Variants in TBC1D1 observed in about 807,000 individuals in gnomAD.
The protein encoded by TBC1D1 is TBC1 (tre-2/USP6, BUB2, cdc16) domain family, member 1.
TBC1D1 carries 89 observed loss-of-function variants against 125.6 expected under a neutral mutation model. That is an observed-to-expected ratio of 0.71 (90% CI 0.60 to 0.85). TBC1D1 has a LOEUF of 0.85. Ranked by LOEUF, TBC1D1 falls within the 40% of genes least tolerant of loss-of-function variation. The pLI is 0.00. For synonymous variants in TBC1D1, 565 were observed against 564.1 expected (o/e 1.00, Z -0.02); for missense variants, 1,377 against 1,469.2 (o/e 0.94, Z 1.03).
intron 13 of TBC1D1, among the ~76,000 whole-genome samples, chr4:38,093,696 T>TTAG (rs369403907): frequency 0.034 from 5,150 of 151,704 alleles, 120 homozygotes; most frequent in Non-Finnish European, 0.053. Flanking sequence ...ATTTTTATTA[T>TTAG]TAGTAGTAGT....
chr4:38,061,785 A>G (rs1325808416), intron 12 of TBC1D1, among the ~76,000 whole-genome samples: 1 of 152,250 alleles, frequency 6.6e-6, no homozygotes, highest in Non-Finnish European at 1.5e-5. Context: ...ACTGAAGTAT[A>G]TAATCTGAAT....
At chr4:38,112,754 G>A (rs945564734) in intron 15 of TBC1D1, among the ~76,000 whole-genome samples, 9 of 152,200 alleles carry the variant, frequency 5.9e-5, no homozygotes, top group Admixed American at 2.0e-4. Flanking sequence ...TTAGAAAGGC[G>A]TCCAGACCCT....
chr4:37,954,954 C>T (rs1481047250), intron 2 of TBC1D1, among the ~76,000 whole-genome samples: 2 of 132,314 alleles, frequency 1.5e-5, no homozygotes, highest in African/African-American at 2.9e-5. Flanking sequence ...TGGCGTGATC[C>T]GATCTTGGCT....
At chr4:38,117,941 T>G (rs1763239542) in intron 16 of TBC1D1, 92 bp from the exon 19 acceptor site, 2 of 1,158,460 alleles carry the variant, frequency 1.7e-6, no homozygotes, top group African/African-American at 1.5e-5. Context: ...TTCTAGTAAG[T>G]CTTCTCTTAC....
intron 2 of TBC1D1, among the ~76,000 whole-genome samples, chr4:38,000,410 T>A (rs1288025660): frequency 6.6e-6 from 1 of 152,186 alleles, no homozygotes; most frequent in African/African-American, 2.4e-5. Flanking sequence ...GTTGTAGATT[T>A]AGGGCTTTGG....
chr4:37,961,277 G>A (rs544111828), intron 2 of TBC1D1, among the ~76,000 whole-genome samples: 2 of 152,240 alleles, frequency 1.3e-5, no homozygotes, highest in South Asian at 4.1e-4. Context: ...AAGGATAAAG[G>A]AGAAAAGGCC....
intron 7 of TBC1D1, among the ~76,000 whole-genome samples, chr4:38,031,451 A>G (rs1746112584): frequency 6.6e-6 from 1 of 152,170 alleles, no homozygotes; most frequent in Non-Finnish European, 1.5e-5. Context: ...GTTAGACTGA[A>G]AACTTTAAGT....
chr4:38,108,956 T>C (rs554328977), intron 15 of TBC1D1, among the ~76,000 whole-genome samples: 1 of 152,246 alleles, frequency 6.6e-6, no homozygotes, highest in East Asian at 1.9e-4. Context: ...TCCCAGGCGG[T>C]GGGCTGCCTC....
intron 7 of TBC1D1, among the ~76,000 whole-genome samples, chr4:38,033,028 A>G (rs978825994): frequency 1.3e-5 from 2 of 152,126 alleles, no homozygotes; most frequent in Non-Finnish European, 2.9e-5. Flanking sequence ...TGACTTCTGT[A>G]TGATGTTTAA....
Position 37,896,510 on chromosome 4 carries a change from T to C in TBC1D1, c.-94+5162T>C, listed in dbSNP as rs146621802. Among the ~76,000 whole-genome samples the C allele has an allele frequency of 5.4e-3, 822 of 152,302 alleles. 4 individuals are homozygous for C. The highest frequency in any genetic ancestry group is 7.6e-3 in the Non-Finnish European group (518 of 68,022). On this transcript the variant is annotated intron_variant, in intron 1 of 19. Transcript: ENST00000261439. ...CACACAATGTTGGGGACATTTGGTA[T>C]TATACATTATGAAAATAAGATTTAC... is the stretch of plus-strand genomic sequence containing the variant.
chr4:37,975,146 G>A (rs1056174752), intron 2 of TBC1D1, among the ~76,000 whole-genome samples: 2 of 152,180 alleles, frequency 1.3e-5, no homozygotes, highest in Non-Finnish European at 2.9e-5. Flanking sequence ...AAGGGGCAGG[G>A]TAAGGAGTGT....
intron 2 of TBC1D1, among the ~76,000 whole-genome samples, chr4:37,932,575 G>T (rs1723484081): frequency 6.6e-6 from 1 of 152,098 alleles, no homozygotes; most frequent in South Asian, 2.1e-4. Flanking sequence ...CTTCTGAATT[G>T]TGTCATTTCA....
At chr4:38,081,722 ACAAAG>A (rs913420737) in intron 12 of TBC1D1, among the ~76,000 whole-genome samples, 2 of 152,124 alleles carry the variant, frequency 1.3e-5, no homozygotes, top group African/African-American at 4.8e-5. Flanking sequence ...AATCCCCACA[ACAAAG>A]CTGTGGGGGG....
chr4:37,988,287 C>T (rs890883147), intron 2 of TBC1D1, among the ~76,000 whole-genome samples: 1 of 152,176 alleles, frequency 6.6e-6, no homozygotes, highest in Non-Finnish European at 1.5e-5. Context: ...GTATTCAATT[C>T]AGAATCTGTG....
chr4:37,915,302 T>G (rs1374610995), intron 2 of TBC1D1, among the ~76,000 whole-genome samples: 1 of 152,186 alleles, frequency 6.6e-6, no homozygotes, highest in Non-Finnish European at 1.5e-5. Flanking sequence ...AAGTACTGGC[T>G]CACATGATTA....
intron 6 of TBC1D1, among the ~76,000 whole-genome samples, chr4:38,026,047 C>G (rs1343217193): frequency 6.6e-6 from 1 of 151,236 alleles, no homozygotes; most frequent in Non-Finnish European, 1.5e-5. Context: ...CTTCGATGTG[C>G]CTCAGTTTCT....
chr4:37,902,687 C>A (rs1200011275), intron 2 of TBC1D1, among the ~76,000 whole-genome samples, 175 bp downstream of exon 2: 1 of 152,208 alleles, frequency 6.6e-6, no homozygotes, highest in Non-Finnish European at 1.5e-5. Flanking sequence ...TTTTAAAGCA[C>A]ATTTGAAAAC....
intron 18 of TBC1D1, among the ~76,000 whole-genome samples, chr4:38,126,135 T>C (rs1030011550): frequency 1.3e-5 from 2 of 152,234 alleles, no homozygotes; most frequent in Non-Finnish European, 2.9e-5. Context: ...CTGTATGACA[T>C]GTGACTATAC....
chr4:38,103,955 C>T (rs113094176), intron 15 of TBC1D1, among the ~76,000 whole-genome samples: 6 of 151,742 alleles, frequency 4.0e-5, no homozygotes, highest in African/African-American at 1.2e-4. Flanking sequence ...GTCAGGAGAT[C>T]GAGACCATCC....
Sources: allele counts gnomAD v4.1 joint callset (sites outside exome capture counted in the v4.1 genomes callset), GRCh38; gene constraint gnomAD v4.1.1; transcripts MANE v1.5; gene names NCBI Gene and HGNC (gene_info 2026-07-23, HGNC 2026-07-21).